RTN4: variants seen among roughly 807,000 people sequenced by gnomAD.
The protein encoded by RTN4 is reticulon-4.
RTN4 carries 32 observed loss-of-function variants against 90.4 expected under a neutral mutation model. The ratio of observed to expected loss-of-function variants is 0.35; its 90% CI spans 0.27 to 0.48. The LOEUF is 0.48. RTN4 is among the 20% of genes least tolerant of loss of function. The pLI is 0.99. For missense variants in RTN4, 1,706 were observed against 1,430.2 expected, an observed-to-expected ratio of 1.19 and a Z score of -3.11; for synonymous variants, 629 against 552.5, an observed-to-expected ratio of 1.14 and a Z score of -1.94.
intron 3 of RTN4, among the ~76,000 whole-genome samples, chr2:54,993,790 GACA>G (rs957479813): frequency 2.0e-5 from 3 of 152,180 alleles, no homozygotes; most frequent in Non-Finnish European, 4.4e-5. Flanking sequence ...AGAGAAATGA[GACA>G]ACTAGGCACT....
chr2:55,094,463 C>A (rs72795475), intron 1 of RTN4, among the ~76,000 whole-genome samples: 4 of 152,158 alleles, frequency 2.6e-5, no homozygotes, highest in Admixed American at 2.6e-4. Context: ...GGTACTGTTG[C>A]GCAGTGAAGT....
intron 2 of RTN4, among the ~76,000 whole-genome samples, chr2:55,075,405 G>A (rs971009367): frequency 2.0e-5 from 3 of 152,068 alleles, no homozygotes; most frequent in Non-Finnish European, 4.4e-5. Flanking sequence ...GCCATTACGA[G>A]GAAAATTACA....
chr2:54,989,539 G>T (rs1249826154), intron 3 of RTN4, among the ~76,000 whole-genome samples: 1 of 152,180 alleles, frequency 6.6e-6, no homozygotes, highest in East Asian at 1.9e-4. Context: ...AAAGAGATAA[G>T]AGCAACGCTA....
At chr2:55,108,908 T>C (rs563710092) in intron 1 of RTN4, among the ~76,000 whole-genome samples, 7 of 152,228 alleles carry the variant, frequency 4.6e-5, no homozygotes. Flanking sequence ...AGGAGCTCTG[T>C]GCTAAACACA....
Position 55,020,396 on chromosome 2 carries a change from C to G in RTN4, c.3013+4690G>C, listed in dbSNP as rs145338896. Among the ~76,000 whole-genome samples, 573 of 149,386 alleles carry G rather than the reference C, an allele frequency of 3.8e-3. 2 individuals carry two copies. The highest frequency in any genetic ancestry group is 6.0e-3 in the Non-Finnish European group (407 of 67,480). On this transcript the variant is annotated intron_variant, in intron 3 of 8. Coordinates refer to ENST00000337526, the MANE Select transcript of RTN4 (RefSeq NM_020532.5). ...AACAGATAACCCAGAAATTAATTAA[C>G]ATATCTATAGCCAATCAATTTTTGG...
At position 55,027,310 on chromosome 2, in the gene RTN4, T is replaced by A. The variant is rs780260576; in HGVS notation, c.789A>T (p.Gly263=). 1 of 1,613,706 alleles carries A rather than the reference T, an allele frequency of 6.2e-7. No individual in the cohort carries two copies. The change falls in exon 3 of 9, where the codon GGA becomes GGT. Residue 263 remains glycine, a synonymous_variant. Transcript: ENST00000337526. ...GNLSTVLPTE[G]TLQENVSEAS... ...CTTCACTGACATTTTCTTGAAGTGTTCCTTCAGTGGGTAATACTGTTGACA... is the reference window on the plus strand; with the variant it reads ...CTTCACTGACATTTTCTTGAAGTGTACCTTCAGTGGGTAATACTGTTGACA...
chr2:55,085,083 C>T (rs929256542), intron 1 of RTN4, among the ~76,000 whole-genome samples: 12 of 152,128 alleles, frequency 7.9e-5, no homozygotes, highest in African/African-American at 2.7e-4. Flanking sequence ...AGCCACTGCA[C>T]CTAGCTCTTT....
At chr2:55,060,962 C>G (rs1367724562) in intron 2 of RTN4, among the ~76,000 whole-genome samples, 3 of 152,098 alleles carry the variant, frequency 2.0e-5, no homozygotes, top group Admixed American at 1.3e-4. Flanking sequence ...ATCCATTATC[C>G]TATTCTTTAG....
intron 3 of RTN4, among the ~76,000 whole-genome samples, chr2:54,995,343 A>C (rs1347553359): frequency 2.6e-5 from 4 of 152,064 alleles, no homozygotes; most frequent in Admixed American, 2.6e-4. Context: ...TTTAAAACAC[A>C]ATTTTTGGTG....
chr2:55,025,066 C>A lies in RTN4; in HGVS notation c.3013+20G>T. ...CCAAAAGTGGCATGAAAGCACAAAA[C>A]TGCATATAGATTGGATTACCTGAAG... On this transcript the variant is annotated intron_variant, in intron 3 of 8. Coordinates refer to ENST00000337526, the MANE Select transcript of RTN4 (RefSeq NM_020532.5). 1 of 1,572,104 alleles carries A rather than the reference C, an allele frequency of 6.4e-7. No homozygotes were observed. The highest frequency in any genetic ancestry group is 8.6e-7 in the Non-Finnish European group (1 of 1,161,024).
chr2:54,992,613 C>T (rs952708863), intron 3 of RTN4, among the ~76,000 whole-genome samples: 3 of 151,794 alleles, frequency 2.0e-5, no homozygotes, highest in African/African-American at 7.3e-5. Context: ...CTTTTAAAAA[C>T]TATGTGAATC....
At chr2:55,078,629 G>T (rs1345241743) in intron 2 of RTN4, among the ~76,000 whole-genome samples, 1 of 152,168 alleles carries the variant, frequency 6.6e-6, no homozygotes, top group African/African-American at 2.4e-5. Context: ...TATCCTGTGA[G>T]TTGTGAGCAT....
chr2:55,086,597 G>T (rs1417693922), intron 1 of RTN4, among the ~76,000 whole-genome samples: 1 of 151,956 alleles, frequency 6.6e-6, no homozygotes, highest in Non-Finnish European at 1.5e-5. Context: ...TCAAGCCCAC[G>T]ATTTCGAGGC....
intron 1 of RTN4, among the ~76,000 whole-genome samples, chr2:55,084,731 G>A (rs1462109682): frequency 6.6e-6 from 1 of 152,182 alleles, no homozygotes; most frequent in Non-Finnish European, 1.5e-5. Context: ...CTGCCAAGAA[G>A]TGGAGAATTG....
the RTN4 span, among the ~76,000 whole-genome samples, chr2:55,118,085 T>C: frequency 1.3e-5 from 2 of 152,200 alleles, no homozygotes; most frequent in Non-Finnish European, 2.9e-5. Context: ...AGACTGAATT[T>C]CTAACAAGCT....
chr2:55,043,935 G>A (rs1683241413), intron 1 of RTN4, among the ~76,000 whole-genome samples: 1 of 152,056 alleles, frequency 6.6e-6, no homozygotes, highest in African/African-American at 2.4e-5. Context: ...TAGGCTGGGT[G>A]TGGTGGCTCA....
intron 1 of RTN4, among the ~76,000 whole-genome samples, chr2:55,097,713 A>G (rs530861884): frequency 6.6e-6 from 1 of 152,260 alleles, no homozygotes; most frequent in African/African-American, 2.4e-5. Context: ...GCTGGGAAAG[A>G]TAATGAGCTC....
At chr2:54,978,242 C>T (rs181511745) in intron 5 of RTN4, among the ~76,000 whole-genome samples, 4 of 152,072 alleles carry the variant, frequency 2.6e-5, no homozygotes, top group South Asian at 2.1e-4. Context: ...CCAGTCTGGC[C>T]AACTTGGCAA....
At chr2:55,058,762 G>C (rs1314348254) in intron 2 of RTN4, among the ~76,000 whole-genome samples, 3 of 152,202 alleles carry the variant, frequency 2.0e-5, no homozygotes, top group Admixed American at 2.0e-4. Context: ...CATCTCTACA[G>C]TCAAGATTTA....
Sources: gnomAD v4.1 joint callset for allele counts (sites outside exome capture counted in the v4.1 genomes callset) on GRCh38, gnomAD v4.1.1 for gene constraint, MANE v1.5 for transcripts, NCBI Gene and HGNC (gene_info 2026-07-23, HGNC 2026-07-21) for gene names.